EVC2: variants seen among roughly 807,000 people sequenced by gnomAD.
EVC2 encodes limbin.
EVC2 carries 148 observed loss-of-function variants against 149.3 expected under a neutral mutation model. The ratio of observed to expected loss-of-function variants is 0.99; its 90% confidence interval spans 0.87 to 1.14. The LOEUF (loss-of-function observed/expected upper bound fraction) is 1.14. Among genes scored for constraint, EVC2 ranks in the 50% most tolerant of loss-of-function variants. EVC2 has a pLI of 0.00. For missense variants in EVC2, 1,854 were observed against 1,627.3 expected (o/e 1.14, Z -2.40); for synonymous variants, 776 against 649.9 (o/e 1.19, Z -2.95).
rs1717001753 is a variant in EVC2 at position 5,637,939 on chromosome 4, T to G, written c.1470+2575A>C. ...ATGTATTCTTGTTTGTGTATTTGAT[T>G]TTTAAAACTCTTTAAAAATGTAAAA... On this transcript the variant is annotated intron_variant, in intron 10 of 21. Coordinates refer to ENST00000344408, the MANE Select transcript of EVC2 (RefSeq NM_147127.5). This position sits in a 1 kb window ranked among gnomAD's most constrained non-coding sequence, Gnocchi z 4.4. Among the ~76,000 whole-genome samples, 1 of 152,138 alleles carries G rather than the reference T, an allele frequency of 6.6e-6. No homozygotes were observed. Among genetic ancestry groups the G allele is most frequent in the Admixed American group, 6.5e-5 (1 of 15,270 alleles).
chr4:5,708,388 G>T lies in EVC2; in HGVS notation c.126C>A (p.Leu42=). The T allele has an allele frequency of 1.3e-6, 2 of 1,496,136 alleles. No individual in the cohort carries two copies. Among genetic ancestry groups the T allele is most frequent in the Non-Finnish European group, 1.8e-6 (2 of 1,130,202 alleles). The allele number at this position is 1,496,136 out of a possible 1,614,324, so 92.7% of individuals were successfully genotyped here. A position where few individuals can be genotyped will look rare whatever the true frequency, so the allele number is the denominator to read the frequency against. Residue 42 remains leucine, a synonymous_variant, in exon 1 of 22, where the codon CTC becomes CTA. Transcript: ENST00000344408. ...GGGGATCCCGGGGTGGCTGCGCGCC[G>T]AGGGGGCGCCAGCGGGGACGTGAGC... is the stretch of plus-strand genomic sequence containing the variant. ...GASSRPRWRP[L]GAQPPRDPQV...
rs114104723 is a variant in EVC2, at chr4:5,637,985, C to T, written c.1470+2529G>A. Among the ~76,000 whole-genome samples, 131 of 152,188 alleles carry T rather than the reference C, an allele frequency of 8.6e-4. No individual in the cohort carries two copies. The highest frequency in any genetic ancestry group is 3.0e-3 in the African/African-American group (125 of 41,504). On this transcript the variant is annotated intron_variant, in intron 10 of 21. Coordinates refer to ENST00000344408, the MANE Select transcript of EVC2 (RefSeq NM_147127.5). The surrounding 1 kb of genome is among the most constrained non-coding windows in gnomAD (Gnocchi z 4.4). ...TAAAAAAACATTCTCAACTTGCAGGCCACATAAAAACAAGCTGGGTAAGAT... is the reference window on the plus strand; with the variant it reads ...TAAAAAAACATTCTCAACTTGCAGGTCACATAAAAACAAGCTGGGTAAGAT...
At chr4:5,558,159 T>C (rs191177371), downstream of EVC2, among the ~76,000 whole-genome samples, 99 of 152,294 alleles carry the variant, frequency 6.5e-4, no homozygotes, top group South Asian at 2.5e-3. Flanking sequence ...ATTTCAAGAC[T>C]TACTATATAG....
chr4:5,591,595 G>A (rs1010477245), intron 16 of EVC2, among the ~76,000 whole-genome samples: 4 of 152,178 alleles, frequency 2.6e-5, no homozygotes, highest in African/African-American at 9.7e-5. Context: ...AATAAATGTG[G>A]GTGAAGTGTA....
At chr4:5,656,141 G>A (rs1718505021) in intron 9 of EVC2, among the ~76,000 whole-genome samples, 1 of 152,180 alleles carries the variant, frequency 6.6e-6, no homozygotes, top group Non-Finnish European at 1.5e-5. Flanking sequence ...CAAACAGCCA[G>A]GAAGCACCAG....
At chr4:5,533,539 G>C in the EVC2 span, among the ~76,000 whole-genome samples, 1 of 152,200 alleles carries the variant, frequency 6.6e-6, no homozygotes, top group Admixed American at 6.5e-5. Flanking sequence ...GCAGAGGAAA[G>C]ACATGGTCTG....
chr4:5,570,329 C>G (rs997430800), intron 19 of EVC2, among the ~76,000 whole-genome samples: 9 of 152,206 alleles, frequency 5.9e-5, no homozygotes, highest in African/African-American at 2.2e-4. Flanking sequence ...TCCCACCAGT[C>G]AATATGGGGA....
chr4:5,643,297 A>C (rs1233403149), intron 9 of EVC2, among the ~76,000 whole-genome samples: 3 of 152,348 alleles, frequency 2.0e-5, no homozygotes, highest in Admixed American at 2.0e-4. Context: ...CATTCTTATC[A>C]TCAAGCATGA....
chr4:5,553,847 G>A (rs900572767), intron 21 of EVC2, among the ~76,000 whole-genome samples: 7 of 152,066 alleles, frequency 4.6e-5, no homozygotes, highest in African/African-American at 1.7e-4. Flanking sequence ...ACCCAATAAT[G>A]TAAAACTGCA....
chr4:5,614,116 C>T lies in EVC2; in HGVS notation c.2829+1306G>A, dbSNP rs1715053496. Among the ~76,000 whole-genome samples, 1 of 152,196 alleles carries T rather than the reference C, an allele frequency of 6.6e-6. No homozygotes were observed. Among genetic ancestry groups the T allele is most frequent in the African/African-American group, 2.4e-5 (1 of 41,450 alleles). ...CAGGGTGCTGGGGAAGGCAGACAGA[C>T]ACTCAGGCTGCGGTCACACAGCGTC... On this transcript the variant is annotated intron_variant, in intron 16 of 21. Coordinates refer to ENST00000344408, the MANE Select transcript of EVC2 (RefSeq NM_147127.5). This position sits in a 1 kb window ranked among gnomAD's most constrained non-coding sequence, Gnocchi z 4.7.
At position 5,626,766 on chromosome 4, in the gene EVC2, G is replaced by T. The variant is rs538003443; in HGVS notation, c.1887-858C>A. ...ATCCAATATGCTGAGGTCCTGAATA[G>T]AACACAGAGGCAGAGGAAAGAGGAA... On this transcript the variant is annotated intron_variant, in intron 12 of 21. Coordinates refer to ENST00000344408, the MANE Select transcript of EVC2 (RefSeq NM_147127.5). Among the ~76,000 whole-genome samples the T allele has an allele frequency of 3.9e-5, 6 of 152,258 alleles. 1 individual carries two copies. The South Asian group carries it at 1.2e-3, about 32-fold the overall frequency.
At chr4:5,559,077 G>A (rs910007305), downstream of EVC2, among the ~76,000 whole-genome samples, 1 of 152,160 alleles carries the variant, frequency 6.6e-6, no homozygotes, top group African/African-American at 2.4e-5. The surrounding 1 kb of genome is among the most constrained non-coding windows in gnomAD (Gnocchi z 5.0). Context: ...GGGTGCAGTG[G>A]CATGCACCTG....
chr4:5,588,634 G>A (rs747897224), intron 16 of EVC2, among the ~76,000 whole-genome samples: 6 of 151,958 alleles, frequency 3.9e-5, no homozygotes, highest in South Asian at 2.1e-4. Flanking sequence ...TTTCTGCAAT[G>A]TCTAATCTGC....
chr4:5,681,723 T>C (rs1322693082), intron 6 of EVC2, among the ~76,000 whole-genome samples: 3 of 149,920 alleles, frequency 2.0e-5, no homozygotes, highest in African/African-American at 7.3e-5. Context: ...CAAACGCACT[T>C]GATTCTCCAA....
chr4:5,583,787 A>G (rs1465557654), intron 17 of EVC2, among the ~76,000 whole-genome samples: 1 of 151,320 alleles, frequency 6.6e-6, no homozygotes, highest in Non-Finnish European at 1.5e-5. Context: ...TCAAAAAAAA[A>G]TCTCTTCACT....
In EVC2 at chr4:5,696,478, G is replaced by C. The variant is rs1332078080; in HGVS notation, c.283+1115C>G. ...GGCCCCAGGGATAGGTTCAGGGACA[G>C]GCCGGGGACCCACGCTGAGCCCAGG... On this transcript the variant is annotated intron_variant, in intron 2 of 21. Transcript: ENST00000344408. This position sits in a 1 kb window ranked among gnomAD's most constrained non-coding sequence, Gnocchi z 4.1. 6.6e-6 allele frequency among the ~76,000 whole-genome samples: 1 copy of C among 152,224 alleles called. No homozygotes were observed. Among genetic ancestry groups the C allele is most frequent in the Non-Finnish European group, 1.5e-5 (1 of 68,048 alleles).
chr4:5,653,292 C>G (rs930098731), intron 9 of EVC2, among the ~76,000 whole-genome samples: 8 of 152,200 alleles, frequency 5.3e-5, no homozygotes, highest in Non-Finnish European at 1.0e-4. Context: ...GGACACAATT[C>G]CACCCATGAC....
intron 20 of EVC2, among the ~76,000 whole-genome samples, chr4:5,568,196 CA>C (rs1297028782): frequency 6.6e-6 from 1 of 151,970 alleles, no homozygotes; most frequent in Non-Finnish European, 1.5e-5. Flanking sequence ...GTCATAAAAC[CA>C]TGGATATTTC....
In EVC2 at chr4:5,580,468, A is replaced by G. The variant is rs190016257; in HGVS notation, c.3058-4014T>C. 3.9e-5 allele frequency among the ~76,000 whole-genome samples: 6 copies of G among 152,382 alleles called. No individual in the cohort carries two copies. The East Asian group carries it at 1.2e-3, about 29-fold the overall frequency. The stretch of plus-strand genomic sequence containing the variant: ...TGTACTCTCCAATTATTATACTAAT[A>G]GAAATCAGTGTGGTCTCAAGTAAAC... On this transcript the variant is annotated intron_variant, in intron 17 of 21. Transcript: ENST00000344408.
Sources: allele counts gnomAD v4.1 joint callset (sites outside exome capture counted in the v4.1 genomes callset), GRCh38; gene constraint gnomAD v4.1.1; non-coding constraint Gnocchi (gnomAD v3.1); transcripts MANE v1.5; gene names NCBI Gene and HGNC (gene_info 2026-07-23, HGNC 2026-07-21).